Variants in RHOBTB1 observed in about 807,000 individuals in gnomAD.
RHOBTB1 encodes the protein rho-related BTB domain-containing protein 1.
In RHOBTB1, 40 loss-of-function variants were observed where a neutral mutation model predicts 71.6. The observed-to-expected ratio is 0.56, with a 90% CI of 0.43 to 0.73. The LOEUF is 0.73. Among genes scored for constraint, RHOBTB1 ranks in the 30% least tolerant of loss-of-function variants. RHOBTB1 has a pLI of 0.00. For synonymous variants in RHOBTB1, 319 were observed against 334.9 expected, an observed-to-expected ratio of 0.95 and a Z score of 0.52; for missense variants, 797 against 894.0, an observed-to-expected ratio of 0.89 and a Z score of 1.38.
At chr10:60,937,043 T>C (rs1406149680) in intron 2 of RHOBTB1, among the ~76,000 whole-genome samples, 1 of 152,154 alleles carries the variant, frequency 6.6e-6, no homozygotes, top group Admixed American at 6.5e-5. Flanking sequence ...TCTAGGCCAC[T>C]TGGATTATTA....
intron 4 of RHOBTB1, among the ~76,000 whole-genome samples, chr10:60,896,964 A>G (rs192250455): frequency 1.3e-5 from 2 of 150,668 alleles, no homozygotes. Flanking sequence ...GATTTTAAAC[A>G]AACAAAAAAA....
intron 1 of RHOBTB1, among the ~76,000 whole-genome samples, chr10:60,987,919 CTTTTTTTTTT>C (rs71018937): frequency 6.5e-4 from 35 of 53,738 alleles, no homozygotes; most frequent in South Asian, 5.5e-3. Context: ...AAATACTCAA[CTTTTTTTTTT>C]TTTTTTTTTT....
chr10:60,887,819 A>G (rs1386824211), intron 6 of RHOBTB1, among the ~76,000 whole-genome samples: 1 of 152,182 alleles, frequency 6.6e-6, no homozygotes, highest in Non-Finnish European at 1.5e-5. Context: ...GGGGAATTGT[A>G]TGCAACAAGC....
intron 7 of RHOBTB1, among the ~76,000 whole-genome samples, chr10:60,882,311 A>G (rs901157928): frequency 1.3e-5 from 2 of 152,128 alleles, no homozygotes; most frequent in Non-Finnish European, 2.9e-5. Flanking sequence ...AGCTGAGACT[A>G]TTAGGCTTAT....
intron 4 of RHOBTB1, among the ~76,000 whole-genome samples, chr10:60,898,051 A>G (rs1424493909): frequency 6.6e-6 from 1 of 152,044 alleles, no homozygotes; most frequent in Non-Finnish European, 1.5e-5. Flanking sequence ...TCTCCTTTCA[A>G]TGTACATTTG....
intron 2 of RHOBTB1, among the ~76,000 whole-genome samples, chr10:60,921,232 G>A (rs12253738): frequency 0.033 from 5,048 of 152,250 alleles, 285 homozygotes; most frequent in African/African-American, 0.12. Flanking sequence ...ACCAGCATGA[G>A]CCACCATGCC....
At chr10:60,867,371 T>C (rs2080639219), downstream of RHOBTB1, among the ~76,000 whole-genome samples, 1 of 152,208 alleles carries the variant, frequency 6.6e-6, no homozygotes, top group Non-Finnish European at 1.5e-5. Flanking sequence ...TATCTAACCA[T>C]TCTTGTATTT....
At chr10:60,954,612 A>C (rs540599233) in intron 2 of RHOBTB1, among the ~76,000 whole-genome samples, 105 of 152,320 alleles carry the variant, frequency 6.9e-4, no homozygotes, top group African/African-American at 2.4e-3. Flanking sequence ...TTTAAAATTC[A>C]AGTGTCAGTG....
chr10:60,957,431 G>T (rs1897360), intron 2 of RHOBTB1, among the ~76,000 whole-genome samples: 5,131 of 152,224 alleles, frequency 0.034, 123 homozygotes, highest in Non-Finnish European at 0.053. Context: ...TTATGGGACC[G>T]CTGTCGTATG....
intron 4 of RHOBTB1, among the ~76,000 whole-genome samples, chr10:60,910,679 A>C (rs1471093549): frequency 6.6e-6 from 1 of 152,232 alleles, no homozygotes; most frequent in Non-Finnish European, 1.5e-5. Flanking sequence ...TTTTCAACAC[A>C]GTACTTCCTC....
intron 2 of RHOBTB1, among the ~76,000 whole-genome samples, chr10:60,958,882 T>C (rs907491125): frequency 2.6e-5 from 4 of 152,132 alleles, no homozygotes; most frequent in African/African-American, 9.7e-5. Context: ...ATTACAGGTG[T>C]GAGGCACCGC....
intron 1 of RHOBTB1, among the ~76,000 whole-genome samples, chr10:60,990,929 A>C (rs1030378500): frequency 6.6e-6 from 1 of 152,126 alleles, no homozygotes; most frequent in African/African-American, 2.4e-5. Context: ...AACTCAACAC[A>C]TCCAACACTG....
chr10:60,932,513 T>TAAAAAAAAAAAA (rs3049595), intron 2 of RHOBTB1, among the ~76,000 whole-genome samples: 1 of 107,962 alleles, frequency 9.3e-6, no homozygotes, highest in Non-Finnish European at 1.8e-5. Context: ...TTTCTTAAAG[T>TAAAAAAAAAAAA]AAAAAAAAAA....
chr10:60,972,033 GA>G (rs1304952896), intron 2 of RHOBTB1, among the ~76,000 whole-genome samples: 1 of 152,150 alleles, frequency 6.6e-6, no homozygotes, highest in African/African-American at 2.4e-5. Context: ...AAAAAGCCAG[GA>G]AACAACAGAT....
chr10:60,882,619 G>T (rs1181851354), intron 7 of RHOBTB1, among the ~76,000 whole-genome samples: 2 of 152,030 alleles, frequency 1.3e-5, no homozygotes, highest in South Asian at 2.1e-4. Context: ...CATGGTGTGG[G>T]GGGTGGGAGG....
intron 5 of RHOBTB1, among the ~76,000 whole-genome samples, chr10:60,889,652 TA>T (rs1264983923): frequency 3.3e-5 from 5 of 151,362 alleles, no homozygotes; most frequent in East Asian, 1.9e-4. Flanking sequence ...TTTACTTCTT[TA>T]AAAAAAAATG....
At chr10:60,969,492 T>C (rs1013643284) in intron 2 of RHOBTB1, among the ~76,000 whole-genome samples, 11 of 152,082 alleles carry the variant, frequency 7.2e-5, no homozygotes, top group African/African-American at 2.7e-4. Flanking sequence ...AGTGAAGTGT[T>C]GGAAAGGAGC....
At chr10:60,868,289 CTCTA>C (rs1326842178), downstream of RHOBTB1, among the ~76,000 whole-genome samples, 29 of 152,226 alleles carry the variant, frequency 1.9e-4, no homozygotes, top group South Asian at 3.7e-3. Flanking sequence ...TCTTCTATCT[CTCTA>C]TCTATCTATC....
At chr10:60,958,512 C>T (rs1043638304) in intron 2 of RHOBTB1, among the ~76,000 whole-genome samples, 1 of 152,066 alleles carries the variant, frequency 6.6e-6, no homozygotes, top group Non-Finnish European at 1.5e-5. Context: ...ATTTCCAAAA[C>T]ATTTTTTTTC....
Sources: gnomAD v4.1 joint callset for allele counts (sites outside exome capture counted in the v4.1 genomes callset) on GRCh38, gnomAD v4.1.1 for gene constraint, MANE v1.5 for transcripts, NCBI Gene and HGNC (gene_info 2026-07-23, HGNC 2026-07-21) for gene names.